The following PRKCH variants were observed in gnomAD, a reference collection of about 807,000 sequenced individuals.
PRKCH encodes the protein protein kinase C eta.
In PRKCH, 28 loss-of-function variants were observed where a neutral mutation model predicts 82.5. The observed-to-expected ratio is 0.34, with a 90% CI of 0.25 to 0.47. The LOEUF (loss-of-function observed/expected upper bound fraction) is 0.47. Ranked by LOEUF, PRKCH falls within the 20% of genes least tolerant of loss-of-function variation. The pLI, the probability that PRKCH is intolerant of heterozygous loss-of-function variation, is 1.00. For missense variants in PRKCH, 705 were observed against 881.8 expected, an observed-to-expected ratio of 0.80 and a Z score of 2.54; for synonymous variants, 322 against 327.4, an observed-to-expected ratio of 0.98 and a Z score of 0.18.
chr14:61,509,569 C>T (rs767858318), intron 10 of PRKCH, among the ~76,000 whole-genome samples: 40 of 152,110 alleles, frequency 2.6e-4, no homozygotes, highest in African/African-American at 9.6e-4. Flanking sequence ...AAACAGAATA[C>T]AGTGGGTGCT....
chr14:61,487,856 T>C (rs1270485316), intron 10 of PRKCH, among the ~76,000 whole-genome samples: 2 of 150,188 alleles, frequency 1.3e-5, no homozygotes, highest in African/African-American at 4.9e-5. Flanking sequence ...TATACATATA[T>C]GTTAAAAAAT....
At chr14:61,400,967 G>A (rs564982859) in intron 2 of PRKCH, among the ~76,000 whole-genome samples, 1 of 152,104 alleles carries the variant, frequency 6.6e-6, no homozygotes, top group Admixed American at 6.5e-5. Flanking sequence ...AGTTGGGGGT[G>A]GGGGGGCAGC....
chr14:61,435,099 C>T (rs532225550), intron 2 of PRKCH, among the ~76,000 whole-genome samples: 3 of 152,302 alleles, frequency 2.0e-5, no homozygotes, highest in East Asian at 3.9e-4. Context: ...TCCTCACCCG[C>T]TGAGGGTGTT....
chr14:61,532,539 C>T (rs936115275), intron 12 of PRKCH, among the ~76,000 whole-genome samples: 5 of 152,176 alleles, frequency 3.3e-5, no homozygotes, highest in Non-Finnish European at 7.4e-5. Flanking sequence ...TTTCAGAGTC[C>T]TCTTGAGAGA....
At chr14:61,241,108 C>A (rs566714587) in intron 1 of PRKCH, among the ~76,000 whole-genome samples, 2 of 152,196 alleles carry the variant, frequency 1.3e-5, no homozygotes, top group Non-Finnish European at 2.9e-5. Context: ...TCCTTGAATT[C>A]AATTAATTTG....
At chr14:61,188,967 G>T (rs796774829) in intron 1 of PRKCH, among the ~76,000 whole-genome samples, 28 of 152,156 alleles carry the variant, frequency 1.8e-4, no homozygotes, top group African/African-American at 6.3e-4. Context: ...TGATCCACCC[G>T]CCTCGGGCTC....
chr14:61,230,545 A>G (rs976203482), intron 1 of PRKCH, among the ~76,000 whole-genome samples: 1 of 152,204 alleles, frequency 6.6e-6, no homozygotes, highest in Non-Finnish European at 1.5e-5. Context: ...ATTCTCTGAA[A>G]AGGTGTAGAT....
intron 1 of PRKCH, among the ~76,000 whole-genome samples, chr14:61,291,420 A>G (rs551129291): frequency 6.3e-4 from 89 of 141,860 alleles, no homozygotes; most frequent in Non-Finnish European, 1.2e-3. Flanking sequence ...ACCTCCGCCT[A>G]CCGGGTTCAA....
intron 2 of PRKCH, among the ~76,000 whole-genome samples, chr14:61,435,975 G>A (rs910826618): frequency 6.6e-6 from 1 of 152,162 alleles, no homozygotes; most frequent in African/African-American, 2.4e-5. Context: ...GAAGGGGAGA[G>A]TTTGTACTTT....
At chr14:61,390,631 T>C (rs1287879560) in intron 1 of PRKCH, 1 of 152,632 alleles carries the variant, frequency 6.6e-6, no homozygotes, top group African/African-American at 2.4e-5. Context: ...ATCATGCCAC[T>C]GCACTCCAGC....
upstream of PRKCH, among the ~76,000 whole-genome samples, chr14:61,320,480 T>G (rs1218586049): frequency 6.6e-6 from 1 of 152,198 alleles, no homozygotes; most frequent in Non-Finnish European, 1.5e-5. Context: ...ATGCCTGTAA[T>G]TCCAGCTACT....
At chr14:61,436,970 C>A (rs1443840100) in intron 2 of PRKCH, among the ~76,000 whole-genome samples, 1 of 152,244 alleles carries the variant, frequency 6.6e-6, no homozygotes, top group African/African-American at 2.4e-5. Context: ...ACATGGAAGT[C>A]TTCCTTAATT....
chr14:61,241,924 A>G (rs2044842044), intron 1 of PRKCH, among the ~76,000 whole-genome samples: 1 of 152,200 alleles, frequency 6.6e-6, no homozygotes, highest in Non-Finnish European at 1.5e-5. Flanking sequence ...AAATCATGCC[A>G]TTATTTGAGA....
rs1783431059 is a variant in PRKCH at position 61,550,082 on chromosome 14, C to T, written c.*251C>T. On this transcript the variant is annotated 3_prime_UTR_variant, in exon 14 of 14. Transcript: ENST00000332981. ...AGTATACCGCTCCACCTATGAGCGT[C>T]TGTCTCTGTGGGCTTGGGATGTTAA... 2.7e-6 allele frequency: 1 copy of T among 372,742 alleles called. No homozygotes were observed. The highest frequency in any genetic ancestry group is 2.0e-5 in the African/African-American group (1 of 49,514). 23.1% of individuals were successfully genotyped at this position (372,742 alleles called of 1,614,324 possible).
At chr14:61,317,816 G>C (rs1445598866), upstream of PRKCH, among the ~76,000 whole-genome samples, 1 of 151,944 alleles carries the variant, frequency 6.6e-6, no homozygotes, top group East Asian at 1.9e-4. Flanking sequence ...CTCTCAAGTT[G>C]CATTCTCTTC....
intron 1 of PRKCH, among the ~76,000 whole-genome samples, chr14:61,211,182 C>T (rs973350895): frequency 3.9e-5 from 6 of 152,148 alleles, no homozygotes; most frequent in Non-Finnish European, 8.8e-5. Flanking sequence ...TGATACATGG[C>T]CCAGGACTTG....
At chr14:61,252,783 G>A (rs1371968888) in intron 1 of PRKCH, among the ~76,000 whole-genome samples, 2 of 152,212 alleles carry the variant, frequency 1.3e-5, no homozygotes, top group Non-Finnish European at 2.9e-5. Context: ...CATTATTAAA[G>A]TATACATTTC....
At chr14:61,199,700 C>T (rs1180880918) in intron 1 of PRKCH, among the ~76,000 whole-genome samples, 1 of 152,074 alleles carries the variant, frequency 6.6e-6, no homozygotes, top group African/African-American at 2.4e-5. Flanking sequence ...TGACACCATT[C>T]GCATTGTTGG....
chr14:61,220,476 G>T (rs2044647111), intron 1 of PRKCH, among the ~76,000 whole-genome samples: 1 of 152,234 alleles, frequency 6.6e-6, no homozygotes, highest in Non-Finnish European at 1.5e-5. Flanking sequence ...AGGAAATGCA[G>T]AGAGGCCTTA....
Sources: gnomAD v4.1 joint callset for allele counts (sites outside exome capture counted in the v4.1 genomes callset) on GRCh38, gnomAD v4.1.1 for gene constraint, MANE v1.5 for transcripts, NCBI Gene and HGNC (gene_info 2026-07-23, HGNC 2026-07-21) for gene names.